FNTB: variants seen among roughly 807,000 people sequenced by gnomAD.
FNTB encodes the protein protein farnesyltransferase subunit beta.
In FNTB, 27 loss-of-function variants were observed where a neutral mutation model predicts 59.4. That is an observed-to-expected ratio of 0.45 (90% confidence interval 0.34 to 0.63). The LOEUF (loss-of-function observed/expected upper bound fraction) is 0.63, where lower values mean the gene tolerates loss of function less well. FNTB is among the 20% of genes least tolerant of loss of function. FNTB has a pLI of 0.02. For missense variants in FNTB, 449 were observed against 559.6 expected (o/e 0.80, Z 1.99); for synonymous variants, 230 against 220.7 (o/e 1.04, Z -0.37).
In FNTB at chr14:65,027,357, G is replaced by T; in HGVS notation, c.375-96G>T. ...GGTTCCCCTCAACTTTTGAGGGAGT[G>T]GGGGATCATTGGAAAGGCCTGGAAT... is the stretch of plus-strand genomic sequence containing the variant. On this transcript the variant is annotated intron_variant, in intron 4 of 11. Coordinates refer to ENST00000246166, the MANE Select transcript of FNTB (RefSeq NM_002028.4). This position sits in a 1 kb window ranked among gnomAD's most constrained non-coding sequence, Gnocchi z 5.7. The T allele has an allele frequency of 1.3e-6, 2 of 1,557,764 alleles. No homozygotes were observed. The highest frequency in any genetic ancestry group is 1.7e-6 in the Non-Finnish European group (2 of 1,151,288).
At position 65,022,152 on chromosome 14, in the gene FNTB, G is replaced by A. The variant is rs887935473; in HGVS notation, c.375-5301G>A. 7 of 445,274 alleles carry A rather than the reference G, an allele frequency of 1.6e-5. No homozygotes were observed. In the East Asian group the frequency reaches 4.2e-4, roughly 27 times the overall value. The allele number at this position is 445,274 out of a possible 1,614,324, so 27.6% of individuals were successfully genotyped here. ...GATTTCCTCTTCACTATATCAAGCT[G>A]AAGCTGTTTTAGTTAGTACGAGAAC... is the stretch of plus-strand genomic sequence containing the variant. On this transcript the variant is annotated intron_variant, in intron 4 of 11. Transcript: ENST00000246166.
At position 64,997,595 on chromosome 14, in the gene FNTB, G is replaced by A. The variant is rs763792145; in HGVS notation, c.145-6654G>A. ...TCTGTGCAGCAAGCTGGAAGAACCCGTTGGGCGGTTACAAAATGAGTAAAT... is the reference window on the plus strand; with the variant it reads ...TCTGTGCAGCAAGCTGGAAGAACCCATTGGGCGGTTACAAAATGAGTAAAT... On this transcript the variant is annotated intron_variant, in intron 1 of 11. Transcript: ENST00000246166. This position sits in a 1 kb window ranked among gnomAD's most constrained non-coding sequence, Gnocchi z 4.5. Among the ~76,000 whole-genome samples, 3 of 152,226 alleles carry A rather than the reference G, an allele frequency of 2.0e-5. No individual in the cohort carries two copies. The highest frequency in any genetic ancestry group is 2.9e-5 in the Non-Finnish European group (2 of 68,048).
intron 4 of FNTB, among the ~76,000 whole-genome samples, chr14:65,026,418 G>T (rs911470264): frequency 3.9e-5 from 6 of 152,170 alleles, no homozygotes; most frequent in Admixed American, 1.3e-4. Flanking sequence ...TTGAATTAAC[G>T]TGGAGAATTC....
At chr14:65,045,762 T>G (rs180998390) in intron 9 of FNTB, among the ~76,000 whole-genome samples, 33 of 152,236 alleles carry the variant, frequency 2.2e-4, no homozygotes, top group Non-Finnish European at 2.9e-5. Context: ...GTTGTTGAGT[T>G]GTGACCATTT....
rs544604117 is a variant in FNTB at position 65,011,301 on chromosome 14, T to C, written c.210-1016T>C. On this transcript the variant is annotated intron_variant, in intron 2 of 11. Coordinates refer to ENST00000246166, the MANE Select transcript of FNTB (RefSeq NM_002028.4). This position sits in a 1 kb window ranked among gnomAD's most constrained non-coding sequence, Gnocchi z 4.0. Reference sequence around the variant, plus strand: ...AAAATTAGCTGGGTGTGGTGGCACGTGCCTGTAATCCCAGCTACTCAGGTG... The same window carrying C: ...AAAATTAGCTGGGTGTGGTGGCACGCGCCTGTAATCCCAGCTACTCAGGTG... Among the ~76,000 whole-genome samples the C allele has an allele frequency of 2.0e-5, 3 of 152,190 alleles. No individual in the cohort carries two copies. The South Asian group carries it at 6.2e-4, about 32-fold the overall frequency.
rs1245893718 is a variant in FNTB, at chr14:65,023,443, C to T, written c.375-4010C>T. Among the ~76,000 whole-genome samples, 2 of 152,154 alleles carry T rather than the reference C, an allele frequency of 1.3e-5. No homozygotes were observed. The highest frequency in any genetic ancestry group is 2.9e-5 in the Non-Finnish European group (2 of 68,034). On this transcript the variant is annotated intron_variant, in intron 4 of 11. Coordinates refer to ENST00000246166, the MANE Select transcript of FNTB (RefSeq NM_002028.4). The surrounding 1 kb of genome is among the most constrained non-coding windows in gnomAD (Gnocchi z 4.1). ...AAGGCTGAGAGGCAATCGCTGATAT[C>T]CCTGCTTTGAACTTGACCCTCTTAC...
chr14:65,009,091 A>G lies in FNTB; in HGVS notation c.210-3226A>G, dbSNP rs980751120. Among the ~76,000 whole-genome samples the G allele has an allele frequency of 2.6e-5, 4 of 152,152 alleles. No individual in the cohort carries two copies. The highest frequency in any genetic ancestry group is 9.7e-5 in the African/African-American group (4 of 41,438). Reference sequence around the variant, plus strand: ...TTCAGGTAAAAATAGGAAGAGCTCTACCTTTTCTTTCTTAACTTCCTACAC... The same window carrying G: ...TTCAGGTAAAAATAGGAAGAGCTCTGCCTTTTCTTTCTTAACTTCCTACAC... On this transcript the variant is annotated intron_variant, in intron 2 of 11. Transcript: ENST00000246166. The surrounding 1 kb of genome is among the most constrained non-coding windows in gnomAD (Gnocchi z 4.2).
chr14:65,017,103 A>G (rs1176937970), intron 4 of FNTB, among the ~76,000 whole-genome samples: 1 of 151,884 alleles, frequency 6.6e-6, no homozygotes, highest in African/African-American at 2.4e-5. Flanking sequence ...TTGTATTTTT[A>G]GTAGAGGTAG....
In FNTB at chr14:65,014,882, A is replaced by G. The variant is rs1469662302; in HGVS notation, c.283-743A>G. Reference sequence around the variant, plus strand: ...AGTGTCTAATACAGTGCTTGGCACAAGTAGATACTATCAAATATTTGTTGA... The same window carrying G: ...AGTGTCTAATACAGTGCTTGGCACAGGTAGATACTATCAAATATTTGTTGA... On this transcript the variant is annotated intron_variant, in intron 3 of 11. Coordinates refer to ENST00000246166, the MANE Select transcript of FNTB (RefSeq NM_002028.4). This position sits in a 1 kb window ranked among gnomAD's most constrained non-coding sequence, Gnocchi z 5.1. Among the ~76,000 whole-genome samples the G allele has an allele frequency of 6.6e-6, 1 of 152,178 alleles. No homozygotes were observed. Among genetic ancestry groups the G allele is most frequent in the Non-Finnish European group, 1.5e-5 (1 of 68,018 alleles).
rs970772967 is a variant in FNTB, at chr14:65,029,040, A to G, written c.605+1259A>G. Among the ~76,000 whole-genome samples the G allele has an allele frequency of 7.3e-5, 11 of 151,250 alleles. No individual in the cohort carries two copies. The highest frequency in any genetic ancestry group is 5.9e-5 in the Non-Finnish European group (4 of 67,826). ...TTTTTTTTCCCTATGCTCTTTATTTATATGTTCTAGATAAATGCTAGGAAA... is the reference window on the plus strand; with the variant it reads ...TTTTTTTTCCCTATGCTCTTTATTTGTATGTTCTAGATAAATGCTAGGAAA... On this transcript the variant is annotated intron_variant, in intron 6 of 11. Transcript: ENST00000246166. This position sits in a 1 kb window ranked among gnomAD's most constrained non-coding sequence, Gnocchi z 4.7.
Position 65,030,277 on chromosome 14 carries a change from G to GCACTTGT in FNTB, c.606-2332_606-2326dup, listed in dbSNP as rs1170655894. Among the ~76,000 whole-genome samples, 1 of 152,196 alleles carries GCACTTGT rather than the reference G, an allele frequency of 6.6e-6. No individual in the cohort carries two copies. Among genetic ancestry groups the GCACTTGT allele is most frequent in the Non-Finnish European group, 1.5e-5 (1 of 68,038 alleles). On this transcript the variant is annotated intron_variant, in intron 6 of 11. Transcript: ENST00000246166. This position sits in a 1 kb window ranked among gnomAD's most constrained non-coding sequence, Gnocchi z 4.5. ...TGGTAGATGATCACATTTGGCATTG[G>GCACTTGT]CACTTGTGACTCTTGTGTGCTCCCA...
At chr14:65,019,391 G>A (rs1290074774) in intron 4 of FNTB, among the ~76,000 whole-genome samples, 2 of 151,872 alleles carry the variant, frequency 1.3e-5, no homozygotes, top group African/African-American at 2.4e-5. Flanking sequence ...GGAGACTGAA[G>A]CAGGAGAATT....
At chr14:65,045,317 T>TA (rs951822688) in intron 9 of FNTB, among the ~76,000 whole-genome samples, 1 of 152,114 alleles carries the variant, frequency 6.6e-6, no homozygotes, top group Admixed American at 6.5e-5. Flanking sequence ...TCGGACTTAG[T>TA]TGGATAATGT....
intron 1 of FNTB, among the ~76,000 whole-genome samples, chr14:64,996,551 CAAAT>C (rs1336023114): frequency 1.3e-5 from 2 of 152,130 alleles, no homozygotes; most frequent in African/African-American, 4.8e-5. Context: ...GATGGGAAAA[CAAAT>C]AAGGTCTAAA....
chr14:65,038,404 C>T (rs2062264517), intron 7 of FNTB, among the ~76,000 whole-genome samples: 3 of 147,522 alleles, frequency 2.0e-5, no homozygotes, highest in Admixed American at 6.9e-5. Flanking sequence ...TGTGAGACTC[C>T]ATCTCAAAAT....
intron 4 of FNTB, among the ~76,000 whole-genome samples, chr14:65,025,919 T>C (rs1174426856): frequency 6.6e-6 from 1 of 152,224 alleles, no homozygotes; most frequent in Non-Finnish European, 1.5e-5. Flanking sequence ...GAAGTATGTG[T>C]TGTTTTAACC....
At chr14:65,056,198 C>T (rs1483861390) in intron 11 of FNTB, among the ~76,000 whole-genome samples, 1 of 152,096 alleles carries the variant, frequency 6.6e-6, no homozygotes, top group African/African-American at 2.4e-5. Flanking sequence ...TTCCACTTGC[C>T]ATTGTATTTT....
At chr14:65,022,050 A>G (rs1222720070) in intron 4 of FNTB, 1 of 456,064 alleles carries the variant, frequency 2.2e-6, no homozygotes, top group Admixed American at 2.3e-5. Context: ...CTCTGTGAGC[A>G]GCAGAGGCCA....
In FNTB at chr14:65,054,590, C is replaced by T; in HGVS notation, c.1083C>T (p.Tyr361=). ...GTCCTTACAGGTCGCGTGATTTCTA[C>T]CACACCTGCTACTGCCTGAGCGGCC... is the stretch of plus-strand genomic sequence containing the variant. ...LDKPGKSRDF[Y]HTCYCLSGLS... The change falls in exon 11 of 12, where the codon TAC becomes TAT. Residue 361 remains tyrosine, a synonymous_variant. Coordinates refer to ENST00000246166, the MANE Select transcript of FNTB (RefSeq NM_002028.4). The surrounding 1 kb of genome is among the most constrained non-coding windows in gnomAD (Gnocchi z 4.4). 1 of 1,613,466 alleles carries T rather than the reference C, an allele frequency of 6.2e-7. No individual in the cohort carries two copies. The highest frequency in any genetic ancestry group is 8.5e-7 in the Non-Finnish European group (1 of 1,179,746).
Sources: allele counts gnomAD v4.1 joint callset (sites outside exome capture counted in the v4.1 genomes callset), GRCh38; gene constraint gnomAD v4.1.1; non-coding constraint Gnocchi (gnomAD v3.1); transcripts MANE v1.5; gene names NCBI Gene and HGNC (gene_info 2026-07-23, HGNC 2026-07-21).